RNF38: variants seen among roughly 807,000 people sequenced by gnomAD.
RNF38 encodes the protein E3 ubiquitin-protein ligase RNF38.
RNF38 carries 15 observed loss-of-function variants against 67.2 expected under a neutral mutation model. That is an observed-to-expected ratio of 0.22 (90% CI 0.15 to 0.34). The LOEUF is 0.34. RNF38 is among the 10% of genes least tolerant of loss of function. The pLI, the probability that RNF38 is intolerant of heterozygous loss-of-function variation, is 1.00. For synonymous variants in RNF38, 220 were observed against 218.8 expected (o/e 1.01, Z -0.05); for missense variants, 524 against 639.9 (o/e 0.82, Z 1.95).
intron 2 of RNF38, among the ~76,000 whole-genome samples, chr9:36,406,486 C>T (rs1244719761): frequency 6.6e-6 from 1 of 152,230 alleles, no homozygotes; most frequent in Non-Finnish European, 1.5e-5. Flanking sequence ...GTGGCCTCTC[C>T]TGTGTGTTCT....
intron 1 of RNF38, among the ~76,000 whole-genome samples, chr9:36,428,912 T>A (rs1838857204): frequency 6.6e-6 from 1 of 152,196 alleles, no homozygotes; most frequent in Admixed American, 6.5e-5. Context: ...AGCATTTGCC[T>A]GCCATCCTAA....
chr9:36,464,932 T>A (rs367685230), intron 1 of RNF38, among the ~76,000 whole-genome samples: 1 of 152,322 alleles, frequency 6.6e-6, no homozygotes, highest in Non-Finnish European at 1.5e-5. Flanking sequence ...AAAGATACTA[T>A]TTAGTGCTCT....
chr9:36,374,898 A>C (rs1436697322), intron 3 of RNF38, among the ~76,000 whole-genome samples: 3 of 152,240 alleles, frequency 2.0e-5, no homozygotes, highest in African/African-American at 7.2e-5. Context: ...TGAGGGTTAC[A>C]GGAAGGTTAC....
At chr9:36,397,081 G>GTA (rs1554690248) in intron 1 of RNF38, among the ~76,000 whole-genome samples, 2,081 of 141,616 alleles carry the variant, frequency 0.015, 40 homozygotes, top group African/African-American at 0.039. Context: ...ATGTGTGTGT[G>GTA]TATATATATA....
chr9:36,391,410 A>C (rs1169473444), intron 1 of RNF38, among the ~76,000 whole-genome samples: 1 of 152,146 alleles, frequency 6.6e-6, no homozygotes, highest in Non-Finnish European at 1.5e-5. Context: ...TCATGAACAT[A>C]ATGTGTTCCA....
At chr9:36,371,443 CTTTTTT>C (rs537986184) in intron 3 of RNF38, among the ~76,000 whole-genome samples, 5 of 131,548 alleles carry the variant, frequency 3.8e-5, no homozygotes, top group Non-Finnish European at 6.5e-5. Context: ...GGACTAAAAG[CTTTTTT>C]TTTTTTTTTT....
rs138154675 is a variant in RNF38, at chr9:36,416,353, C to T, written n.312+8260G>A. ...TGACAGGCCTCACCGAATTCCTCCA[C>T]AACCAGCAAGGCCGGTCTCAGTCCC... On this transcript the variant is annotated intron_variant and non_coding_transcript_variant, in intron 2 of 3. Coordinates refer to the RNF38 transcript ENST00000488058. 3.1e-3 allele frequency among the ~76,000 whole-genome samples: 466 copies of T among 152,236 alleles called. 2 individuals are homozygous for T. Among genetic ancestry groups the T allele is most frequent in the African/African-American group, 0.01 (429 of 41,516 alleles).
upstream of RNF38, chr9:36,400,353 G>C (rs1055266014): frequency 4.9e-6 from 6 of 1,224,986 alleles, no homozygotes; most frequent in African/African-American, 6.2e-5. Flanking sequence ...GGGAGGGAGC[G>C]AGAGAGCGAG....
At chr9:36,465,137 T>C (rs1211732006) in intron 1 of RNF38, among the ~76,000 whole-genome samples, 1 of 152,174 alleles carries the variant, frequency 6.6e-6, no homozygotes, top group African/African-American at 2.4e-5. Flanking sequence ...GTGGAGAAAT[T>C]AGAACCCTCG....
At chr9:36,383,379 G>C (rs1225388476) in intron 2 of RNF38, among the ~76,000 whole-genome samples, 3 of 152,096 alleles carry the variant, frequency 2.0e-5, no homozygotes, top group Non-Finnish European at 4.4e-5. Flanking sequence ...TTTTAGTAGA[G>C]ATGTATTTCA....
At chr9:36,424,640 G>A in exon 2 of RNF38, 1 of 985,788 alleles carries the variant, frequency 1.0e-6, no homozygotes, top group Non-Finnish European at 1.2e-6. Context: ...GACAAATGTG[G>A]TCGTGATGGA....
chr9:36,353,243 G>A lies in RNF38; in HGVS notation c.998C>T (p.Pro333Leu), dbSNP rs946251704. ...GFTYPPSAHP[P>L]TLPPSAPLQF... ...CAAGGGAGCTGATGGAGGTAATGTT[G>A]GGGGGTGGGCTGATGGAGGGTAAGT... Residue 333 changes from proline to leucine, a missense_variant, in exon 7 of 12, where the codon CCA becomes CTA. Transcript: ENST00000259605. 1 of 1,612,446 alleles carries A rather than the reference G, an allele frequency of 6.2e-7. No individual in the cohort carries two copies. Among genetic ancestry groups the A allele is most frequent in the Non-Finnish European group, 8.5e-7 (1 of 1,178,620 alleles).
intron 1 of RNF38, among the ~76,000 whole-genome samples, chr9:36,395,314 C>T (rs1837431628): frequency 1.3e-5 from 2 of 151,910 alleles, no homozygotes; most frequent in South Asian, 4.1e-4. Context: ...CAGCATCCTT[C>T]TTCGTTCATT....
chr9:36,441,794 C>A (rs1307878946), intron 1 of RNF38, among the ~76,000 whole-genome samples: 4 of 152,234 alleles, frequency 2.6e-5, no homozygotes, highest in South Asian at 2.1e-4. Context: ...CTCTATGACA[C>A]CTCAAGTCCA....
At chr9:36,431,797 T>C (rs1463296556) in intron 1 of RNF38, among the ~76,000 whole-genome samples, 1 of 152,212 alleles carries the variant, frequency 6.6e-6, no homozygotes, top group Non-Finnish European at 1.5e-5. Flanking sequence ...GGATGCTGGG[T>C]TGAAAGTTCC....
At chr9:36,448,910 C>T (rs1233754533) in intron 1 of RNF38, among the ~76,000 whole-genome samples, 3 of 152,100 alleles carry the variant, frequency 2.0e-5, no homozygotes, top group African/African-American at 7.2e-5. Flanking sequence ...AAGGGAATTG[C>T]TTGAACCAGC....
chr9:36,372,575 C>T lies in RNF38; in HGVS notation c.357-2643G>A, dbSNP rs767230542. 20 of 714,790 alleles carry T rather than the reference C, an allele frequency of 2.8e-5. No individual in the cohort carries two copies. The South Asian group carries it at 2.8e-4, about 10-fold the overall frequency. 44.3% of individuals were successfully genotyped at this position (714,790 alleles called of 1,614,324 possible). On this transcript the variant is annotated intron_variant, in intron 3 of 11. Coordinates refer to ENST00000259605, the MANE Select transcript of RNF38 (RefSeq NM_022781.5). ...AGCCTGTTTCTGGGAGAAAATCTGG[C>T]AATATGCTTATAGGTAACCTATATT... is the stretch of plus-strand genomic sequence containing the variant.
Position 36,449,553 on chromosome 9 carries a change from A to C in RNF38, n.242-24870T>G, listed in dbSNP as rs374020945. On this transcript the variant is annotated intron_variant and non_coding_transcript_variant, in intron 1 of 3. Transcript: ENST00000488058. Reference sequence around the variant, plus strand: ...TGGGTTCAGGCAATTCTCCTGCCTCAGCCTCCCAAGTAGATAGGACTACAG... The same window carrying C: ...TGGGTTCAGGCAATTCTCCTGCCTCCGCCTCCCAAGTAGATAGGACTACAG... Among the ~76,000 whole-genome samples, 115 of 151,860 alleles carry C rather than the reference A, an allele frequency of 7.6e-4. 2 individuals are homozygous for C. In the South Asian group the frequency reaches 0.022, roughly 30 times the overall value.
At chr9:36,377,676 C>A (rs937825729) in intron 2 of RNF38, among the ~76,000 whole-genome samples, 1 of 152,298 alleles carries the variant, frequency 6.6e-6, no homozygotes, top group Admixed American at 6.5e-5. Context: ...CTCCCCCATA[C>A]CAAAATCTTA....
Sources: allele counts gnomAD v4.1 joint callset (sites outside exome capture counted in the v4.1 genomes callset), GRCh38; gene constraint gnomAD v4.1.1; transcripts MANE v1.5; gene names NCBI Gene and HGNC (gene_info 2026-07-23, HGNC 2026-07-21).